The following DIAPH3 variants were observed in gnomAD, a reference collection of about 807,000 sequenced individuals.
DIAPH3 encodes the protein protein diaphanous homolog 3.
DIAPH3 carries 117 observed loss-of-function variants against 144.3 expected under a neutral mutation model. The ratio of observed to expected loss-of-function variants is 0.81; its 90% CI spans 0.70 to 0.95. The LOEUF is 0.95. Among genes scored for constraint, DIAPH3 ranks in the 40% least tolerant of loss-of-function variants. DIAPH3 has a pLI of 0.00. For missense variants in DIAPH3, 1,421 were observed against 1,412.7 expected, an observed-to-expected ratio of 1.01 and a Z score of -0.09; for synonymous variants, 519 against 488.9, an observed-to-expected ratio of 1.06 and a Z score of -0.81.
chr13:59,801,278 GT>G, intron 25 of DIAPH3, among the ~76,000 whole-genome samples: 1 of 152,162 alleles, frequency 6.6e-6, no homozygotes, highest in East Asian at 1.9e-4. Flanking sequence ...CTACTTTGCA[GT>G]TAAGTTAAAA....
intron 24 of DIAPH3, among the ~76,000 whole-genome samples, chr13:59,819,876 T>C (rs188926742): frequency 1.8e-4 from 28 of 151,998 alleles, no homozygotes; most frequent in African/African-American, 6.3e-4. Context: ...TAGCACTAAA[T>C]AGCTGTGTGA....
chr13:59,887,877 T>G (rs2140106028), intron 20 of DIAPH3, among the ~76,000 whole-genome samples: 1 of 152,244 alleles, frequency 6.6e-6, no homozygotes, highest in East Asian at 1.9e-4. Flanking sequence ...TAAATTTTGA[T>G]GCTCAATTTT....
chr13:60,131,562 T>C (rs902519645), intron 2 of DIAPH3, among the ~76,000 whole-genome samples: 2 of 151,134 alleles, frequency 1.3e-5, no homozygotes, highest in African/African-American at 4.9e-5. Flanking sequence ...TATGAGTCAA[T>C]TTATATGAAA....
At chr13:60,041,455 T>G (rs1356114781) in intron 5 of DIAPH3, among the ~76,000 whole-genome samples, 1 of 152,212 alleles carries the variant, frequency 6.6e-6, no homozygotes, top group African/African-American at 2.4e-5. Flanking sequence ...AAAGTTGAAA[T>G]ATACTAAAGT....
intron 11 of DIAPH3, among the ~76,000 whole-genome samples, chr13:59,991,771 G>A (rs1290632066): frequency 6.6e-6 from 1 of 151,922 alleles, no homozygotes. Context: ...TATTCCTAAT[G>A]CTAAAAAGCC....
chr13:59,729,589 A>G (rs1013216761), intron 27 of DIAPH3, among the ~76,000 whole-genome samples: 1 of 152,024 alleles, frequency 6.6e-6, no homozygotes, highest in Non-Finnish European at 1.5e-5. Flanking sequence ...GATGTTAGTT[A>G]TTTATACGTG....
chr13:59,805,284 G>T (rs2040134701), intron 25 of DIAPH3, among the ~76,000 whole-genome samples: 1 of 151,952 alleles, frequency 6.6e-6, no homozygotes, highest in African/African-American at 2.4e-5. Flanking sequence ...TACTCAGGAA[G>T]TCTTAAAGCA....
chr13:59,865,911 T>C (rs1235537416), intron 21 of DIAPH3, among the ~76,000 whole-genome samples: 1 of 152,036 alleles, frequency 6.6e-6, no homozygotes, highest in African/African-American at 2.4e-5. Context: ...CCCTTCCTGT[T>C]TGAAATAATG....
chr13:59,723,770 C>T (rs1032062647), intron 27 of DIAPH3, among the ~76,000 whole-genome samples: 5 of 151,076 alleles, frequency 3.3e-5, no homozygotes, highest in African/African-American at 1.2e-4. Flanking sequence ...GCCACCGCAC[C>T]CAGCTAATTT....
intron 17 of DIAPH3, among the ~76,000 whole-genome samples, chr13:59,941,317 T>C (rs370078637): frequency 6.6e-6 from 1 of 152,234 alleles, no homozygotes; most frequent in African/African-American, 2.4e-5. Flanking sequence ...ACAAAAGCCC[T>C]TCCTGGGCCA....
At chr13:59,811,297 C>A (rs898540134) in intron 24 of DIAPH3, among the ~76,000 whole-genome samples, 7 of 152,058 alleles carry the variant, frequency 4.6e-5, no homozygotes, top group African/African-American at 1.7e-4. Context: ...TTTTCCACAT[C>A]TTCTTTGCAA....
chr13:59,949,769 C>T (rs567012367), intron 17 of DIAPH3, among the ~76,000 whole-genome samples: 1 of 152,170 alleles, frequency 6.6e-6, no homozygotes, highest in Non-Finnish European at 1.5e-5. Context: ...TATCTTGAGT[C>T]AAGCAGATAA....
chr13:59,864,174 T>C (rs2043775688), intron 21 of DIAPH3, among the ~76,000 whole-genome samples: 1 of 152,096 alleles, frequency 6.6e-6, no homozygotes, highest in African/African-American at 2.4e-5. Context: ...GAATGTCAAA[T>C]ACAATCTTTA....
In DIAPH3 at chr13:59,833,280, T is replaced by C. The variant is rs568419755; in HGVS notation, c.2863-9A>G. 8.1e-6 allele frequency: 13 copies of C among 1,598,350 alleles called. No homozygotes were observed. Among genetic ancestry groups the C allele is most frequent in the South Asian group, 3.4e-5 (3 of 89,552 alleles). ...GCACTGATAACAAATCTGTATACTA[T>C]AGTTAAGGTATTCTGAAATTTACAA... On this transcript the variant is annotated splice_polypyrimidine_tract_variant and intron_variant, in intron 23 of 27. Transcript: ENST00000400324.
In DIAPH3 at chr13:59,926,943, T is replaced by C. The variant is rs988113713; in HGVS notation, c.2075-2073A>G. On this transcript the variant is annotated intron_variant, in intron 17 of 27. Transcript: ENST00000400324. ...AAGTTAAATTCTCCAACTACAACTA[T>C]ATTGGAGTGTCTCTCTCCTTGTAGA... is the stretch of plus-strand genomic sequence containing the variant. Among the ~76,000 whole-genome samples the C allele has an allele frequency of 2.6e-5, 4 of 152,348 alleles. No individual in the cohort carries two copies. In the East Asian group the frequency reaches 5.8e-4, roughly 22 times the overall value.
intron 21 of DIAPH3, among the ~76,000 whole-genome samples, chr13:59,864,141 T>C (rs1188820999): frequency 6.6e-6 from 1 of 152,112 alleles, no homozygotes; most frequent in Non-Finnish European, 1.5e-5. Context: ...TCTATGGGCT[T>C]CTGTTTTTAC....
chr13:60,105,932 A>G (rs2058406999), intron 3 of DIAPH3, among the ~76,000 whole-genome samples: 1 of 152,188 alleles, frequency 6.6e-6, no homozygotes, highest in Admixed American at 6.5e-5. Context: ...CACACTCAAC[A>G]CAAAATTCAT....
At chr13:59,715,635 G>C (rs2035009369) in intron 27 of DIAPH3, among the ~76,000 whole-genome samples, 1 of 151,946 alleles carries the variant, frequency 6.6e-6, no homozygotes, top group African/African-American at 2.4e-5. Context: ...CTGTTCCCCT[G>C]TTCAGAGGGG....
At chr13:59,734,409 A>G (rs1279979110) in intron 27 of DIAPH3, among the ~76,000 whole-genome samples, 1 of 152,174 alleles carries the variant, frequency 6.6e-6, no homozygotes, top group Non-Finnish European at 1.5e-5. Context: ...TTTCTCATCA[A>G]TATCATCTCA....
Sources: allele counts gnomAD v4.1 joint callset (sites outside exome capture counted in the v4.1 genomes callset), GRCh38; gene constraint gnomAD v4.1.1; transcripts MANE v1.5; gene names NCBI Gene and HGNC (gene_info 2026-07-23, HGNC 2026-07-21).